PPFIA2: variants seen among roughly 807,000 people sequenced by gnomAD.
PPFIA2 encodes PPFI scaffold protein A2.
A neutral mutation model predicts 175.5 loss-of-function variants in PPFIA2; 46 were observed. That is an observed-to-expected ratio of 0.26 (90% CI 0.21 to 0.34). PPFIA2 has a LOEUF of 0.34. Ranked by LOEUF, PPFIA2 falls within the 10% of genes least tolerant of loss-of-function variation. The probability of loss-of-function intolerance (pLI) is 1.00; values close to 1 mark genes in which losing one functional copy is unlikely to be tolerated. For synonymous variants in PPFIA2, 568 were observed against 511.4 expected (o/e 1.11, Z -1.49); for missense variants, 1,179 against 1,506.1 (o/e 0.78, Z 3.60).
intron 7 of PPFIA2, among the ~76,000 whole-genome samples, chr12:81,437,494 A>G (rs567459558): frequency 2.6e-5 from 4 of 152,136 alleles, no homozygotes; most frequent in Admixed American, 2.6e-4. Context: ...CGGCCTCCCA[A>G]AGTGCTGGGA....
At chr12:81,499,350 A>G (rs984242780) in intron 4 of PPFIA2, among the ~76,000 whole-genome samples, 2 of 152,186 alleles carry the variant, frequency 1.3e-5, no homozygotes, top group African/African-American at 4.8e-5. Context: ...AACTCTTATT[A>G]TCTCTTTCAT....
In PPFIA2 at chr12:81,347,720, T is replaced by A; in HGVS notation, c.2045A>T (p.Glu682Val). The A allele has an allele frequency of 6.2e-7, 1 of 1,613,890 alleles. No individual in the cohort carries two copies. The highest frequency in any genetic ancestry group is 1.3e-5 in the African/African-American group (1 of 75,052). Residue 682 changes from glutamate (E) to valine (V), a missense_variant, in exon 18 of 33, where the codon GAA becomes GTA. By Grantham distance (121) the Glu-to-Val change is moderately radical. This residue lies in a region of PPFIA2 where 223 missense variants were observed against 241.6 expected (regional missense o/e 0.92). Transcript: ENST00000549396. ...GAGGCTCACACTAGCCACTCTATTT[T>A]CAATTTCTTCAGCACGCAACTCTGT... ...ESTELRAEEI[E>V]NRVASVSLEG...
In PPFIA2 at chr12:81,368,839, T is replaced by C; in HGVS notation, c.1368A>G (p.Lys456=). 3.7e-6 allele frequency: 6 copies of C among 1,610,004 alleles called. No homozygotes were observed. The highest frequency in any genetic ancestry group is 3.3e-5 in the South Asian group (3 of 90,598). The part of the protein sequence containing the change: ...QELQRARQRE[K]MNEEHNKRLS... ...ATCTCTTGTTATGCTCCTCATTCAT[T>C]TTCTCTCTTTGCCTAGCCTTACATT... The change falls in exon 13 of 33, where the codon AAA becomes AAG. Residue 456 remains lysine, a synonymous_variant. Transcript: ENST00000549396.
At chr12:81,757,775 CT>C (rs991774336) in intron 2 of PPFIA2, among the ~76,000 whole-genome samples, 3 of 152,080 alleles carry the variant, frequency 2.0e-5, no homozygotes, top group Non-Finnish European at 4.4e-5. Flanking sequence ...CTACAAAAAG[CT>C]TTTTTTCTTT....
chr12:81,564,895 G>C (rs2070955221), intron 4 of PPFIA2, among the ~76,000 whole-genome samples: 2 of 152,098 alleles, frequency 1.3e-5, no homozygotes, highest in Admixed American at 6.6e-5. Context: ...TGAAATTGTG[G>C]AAAAACAGAC....
At chr12:81,656,626 G>T (rs1255139829) in intron 4 of PPFIA2, among the ~76,000 whole-genome samples, 1 of 151,714 alleles carries the variant, frequency 6.6e-6, no homozygotes, top group Non-Finnish European at 1.5e-5. Flanking sequence ...TTAAAAATAG[G>T]ATTTTCTATA....
At chr12:81,375,700 A>T (rs1269097752) in intron 10 of PPFIA2, 96 bp downstream of exon 10, 3 of 1,247,132 alleles carry the variant, frequency 2.4e-6, no homozygotes, top group Non-Finnish European at 3.4e-6. Context: ...TGATTACTCA[A>T]ACATCTGTCA....
chr12:81,679,790 T>A (rs991072474), intron 3 of PPFIA2, among the ~76,000 whole-genome samples: 3 of 151,950 alleles, frequency 2.0e-5, no homozygotes, highest in African/African-American at 7.2e-5. Flanking sequence ...GAGGTCCAAG[T>A]TAAACACGGC....
At chr12:81,705,814 G>A (rs2077065638) in intron 3 of PPFIA2, among the ~76,000 whole-genome samples, 1 of 152,108 alleles carries the variant, frequency 6.6e-6, no homozygotes, top group African/African-American at 2.4e-5. Context: ...CTGAAAAATA[G>A]GTTCTCTTTT....
chr12:81,369,474 T>C, intron 11 of PPFIA2: 11 of 1,239,180 alleles, frequency 8.9e-6, no homozygotes, highest in Non-Finnish European at 1.0e-5. Flanking sequence ...AACACAAACC[T>C]GCCATTGTCC....
At chr12:81,703,407 A>T (rs188285355) in intron 3 of PPFIA2, among the ~76,000 whole-genome samples, 1 of 151,960 alleles carries the variant, frequency 6.6e-6, no homozygotes, top group Admixed American at 6.6e-5. Flanking sequence ...TTCTTCCTCA[A>T]TCCCCAAGTC....
Position 81,258,213 on chromosome 12 carries a change from T to G in PPFIA2, c.*1481A>C, listed in dbSNP as rs1452888896. ...CCAAAGAACACATTTCCTGATAGTT[T>G]AAGTAAATTGTCGAGCCTTATGTGA... On this transcript the variant is annotated 3_prime_UTR_variant, in exon 33 of 33. Coordinates refer to ENST00000549396, the MANE Select transcript of PPFIA2 (RefSeq NM_003625.5). 2 of 152,166 alleles carry G rather than the reference T, an allele frequency of 1.3e-5. No individual in the cohort carries two copies. The highest frequency in any genetic ancestry group is 4.8e-5 in the African/African-American group (2 of 41,452). The allele number at this position is 152,166 out of a possible 1,614,324, so 9.4% of individuals were successfully genotyped here.
intron 17 of PPFIA2, among the ~76,000 whole-genome samples, chr12:81,348,750 T>G (rs149289964): frequency 1.0e-3 from 152 of 152,148 alleles, no homozygotes; most frequent in African/African-American, 3.5e-3. Flanking sequence ...AAATTATTTA[T>G]TACAAAGGCA....
chr12:81,704,971 C>T (rs2076933966), intron 3 of PPFIA2, among the ~76,000 whole-genome samples: 1 of 148,212 alleles, frequency 6.7e-6, no homozygotes, highest in Non-Finnish European at 1.5e-5. Context: ...GTAATCCCAG[C>T]TACTTGGGAG....
At chr12:81,660,757 A>C (rs535731685) in intron 4 of PPFIA2, among the ~76,000 whole-genome samples, 28 of 152,194 alleles carry the variant, frequency 1.8e-4, no homozygotes, top group Admixed American at 4.6e-4. Flanking sequence ...AGATTCACCA[A>C]AGTTGAAATG....
chr12:81,707,010 A>G (rs1174301648), intron 3 of PPFIA2, among the ~76,000 whole-genome samples: 2 of 152,176 alleles, frequency 1.3e-5, no homozygotes, highest in African/African-American at 4.8e-5. Context: ...CACCTTATAC[A>G]AAAATCAATT....
chr12:81,366,872 A>C (rs888095505), intron 14 of PPFIA2, among the ~76,000 whole-genome samples: 12 of 151,760 alleles, frequency 7.9e-5, no homozygotes, highest in Non-Finnish European at 1.6e-4. Flanking sequence ...ATGAGTATAG[A>C]CTAATTTGGG....
intron 4 of PPFIA2, among the ~76,000 whole-genome samples, chr12:81,479,996 G>A (rs977698511): frequency 1.3e-5 from 2 of 152,128 alleles, no homozygotes; most frequent in Admixed American, 6.6e-5. Flanking sequence ...GTATCCTGAC[G>A]AGTATTTTCC....
chr12:81,427,922 G>C (rs2047429028), intron 7 of PPFIA2, among the ~76,000 whole-genome samples: 1 of 151,908 alleles, frequency 6.6e-6, no homozygotes, highest in African/African-American at 2.4e-5. Context: ...AGGTGCTATG[G>C]AATTAGTAAA....
Sources: allele counts gnomAD v4.1 joint callset (sites outside exome capture counted in the v4.1 genomes callset), GRCh38; gene constraint gnomAD v4.1.1; regional missense constraint gnomAD v4.1.1; transcripts MANE v1.5; gene names NCBI Gene and HGNC (gene_info 2026-07-23, HGNC 2026-07-21).